Variants in TSC22D1 observed in about 807,000 individuals in gnomAD.
TSC22D1 encodes TSC22 domain family protein 1.
TSC22D1 carries 9 observed loss-of-function variants against 74.2 expected under a neutral mutation model. The observed-to-expected ratio is 0.12, with a 90% CI of 0.07 to 0.21. The LOEUF is 0.21. TSC22D1 is among the 10% of genes least tolerant of loss of function. TSC22D1 has a pLI of 1.00. For missense variants in TSC22D1, 1,427 were observed against 1,304.7 expected, an observed-to-expected ratio of 1.09 and a Z score of -1.44; for synonymous variants, 586 against 492.5, an observed-to-expected ratio of 1.19 and a Z score of -2.51.
chr13:44,555,198 T>C (rs1197183372), intron 1 of TSC22D1, among the ~76,000 whole-genome samples: 1 of 151,798 alleles, frequency 6.6e-6, no homozygotes, highest in Non-Finnish European at 1.5e-5. Context: ...TATTATCTCT[T>C]AAGAAGATTC....
At chr13:44,466,271 G>A (rs1482622992) in intron 1 of TSC22D1, among the ~76,000 whole-genome samples, 1 of 152,064 alleles carries the variant, frequency 6.6e-6, no homozygotes, top group African/African-American at 2.4e-5. Flanking sequence ...GAGGGATTTG[G>A]GTAAACTATT....
intron 1 of TSC22D1, among the ~76,000 whole-genome samples, chr13:44,510,113 G>T (rs1405888131): frequency 6.6e-6 from 1 of 151,956 alleles, no homozygotes; most frequent in Non-Finnish European, 1.5e-5. Flanking sequence ...GCTAGGCACG[G>T]TGGCTCACAC....
At chr13:44,460,441 A>T (rs141091484) in intron 1 of TSC22D1, among the ~76,000 whole-genome samples, 1 of 152,342 alleles carries the variant, frequency 6.6e-6, no homozygotes, top group East Asian at 1.9e-4. Flanking sequence ...TTTTTGGTAA[A>T]AGGGCAACTC....
intron 1 of TSC22D1, among the ~76,000 whole-genome samples, chr13:44,491,540 C>T (rs1206437199): frequency 7.1e-6 from 1 of 140,548 alleles, no homozygotes; most frequent in African/African-American, 2.6e-5. Context: ...GGAGGCAAAG[C>T]GAGACTCCGT....
intron 1 of TSC22D1, among the ~76,000 whole-genome samples, chr13:44,572,499 T>C (rs1449983778): frequency 6.6e-6 from 1 of 152,170 alleles, no homozygotes; most frequent in Non-Finnish European, 1.5e-5. Context: ...AAAGAAAAAA[T>C]GTTCAGCATA....
At chr13:44,436,501 T>C (rs1419405159) in intron 1 of TSC22D1, 3 of 1,612,300 alleles carry the variant, frequency 1.9e-6, no homozygotes, top group Middle Eastern at 1.6e-4. Context: ...AGCCGACATT[T>C]ACCTATTATC....
chr13:44,572,611 G>C (rs1235384347), intron 1 of TSC22D1, among the ~76,000 whole-genome samples: 6 of 152,164 alleles, frequency 3.9e-5, no homozygotes, highest in Non-Finnish European at 1.5e-5. Context: ...CATTAAATAA[G>C]TACGCAAAAG....
chr13:44,519,910 G>GA (rs1477903066), intron 1 of TSC22D1, among the ~76,000 whole-genome samples: 3 of 152,234 alleles, frequency 2.0e-5, no homozygotes, highest in African/African-American at 7.2e-5. Context: ...CAGATATACT[G>GA]AAATACGACA....
chr13:44,570,974 A>G (rs970466586), intron 1 of TSC22D1, among the ~76,000 whole-genome samples: 1 of 152,222 alleles, frequency 6.6e-6, no homozygotes, highest in Non-Finnish European at 1.5e-5. Context: ...AATATAATAT[A>G]TATCTTTTCT....
chr13:44,457,637 C>A (rs1351601724), intron 1 of TSC22D1, among the ~76,000 whole-genome samples: 152 of 85,390 alleles, frequency 1.8e-3, no homozygotes, highest in East Asian at 3.0e-3. Context: ...AAGCAAATAG[C>A]AAAAAAAAAA....
intron 1 of TSC22D1, chr13:44,436,813 A>G: frequency 7.2e-7 from 1 of 1,385,730 alleles, no homozygotes; most frequent in Non-Finnish European, 9.3e-7. Flanking sequence ...AGTGCCGTGA[A>G]GAGGCGCTTC....
At chr13:44,498,560 T>C (rs1328139967) in intron 1 of TSC22D1, among the ~76,000 whole-genome samples, 1 of 152,156 alleles carries the variant, frequency 6.6e-6, no homozygotes, top group Non-Finnish European at 1.5e-5. Flanking sequence ...GCTTATTTTC[T>C]AATCAACTAG....
chr13:44,553,361 T>A (rs1383759287), intron 1 of TSC22D1, among the ~76,000 whole-genome samples: 1 of 152,126 alleles, frequency 6.6e-6, no homozygotes, highest in Non-Finnish European at 1.5e-5. Context: ...TTTTTTCACT[T>A]TTAGAATCAG....
At chr13:44,477,596 C>T (rs900056986) in intron 1 of TSC22D1, among the ~76,000 whole-genome samples, 1 of 151,732 alleles carries the variant, frequency 6.6e-6, no homozygotes, top group Non-Finnish European at 1.5e-5. Context: ...CTTGCATGAA[C>T]CCTTAGATCA....
At position 44,574,921 on chromosome 13, in the gene TSC22D1, G is replaced by C; in HGVS notation, c.1154C>G (p.Ala385Gly). The C allele has an allele frequency of 3.7e-6, 6 of 1,614,084 alleles. No individual in the cohort carries two copies. Among genetic ancestry groups the C allele is most frequent in the Non-Finnish European group, 5.1e-6 (6 of 1,180,010 alleles). The stretch of plus-strand genomic sequence containing the variant: ...AACCGATCCCCCAGTCATCCCTGCA[G>C]CTGCATTAGGAACACTGCTAACAGC... Reference protein sequence around the residue: ...SAAVSSVPNAAAGMTGGSVSS... With the variant: ...SAAVSSVPNAGAGMTGGSVSS... The change falls in exon 1 of 3, where the codon GCT becomes GGT. Residue 385 changes from alanine (A) to glycine (G), a missense_variant. Ala to Gly is a moderately conservative substitution (Grantham distance 60). Around this residue, in one of 3 missense-constraint regions of TSC22D1, gnomAD observed 1,343 missense variants for 1,191.5 expected, o/e 1.13. Coordinates refer to ENST00000458659, the MANE Select transcript of TSC22D1 (RefSeq NM_183422.4).
chr13:44,559,664 G>C (rs1882906174), intron 1 of TSC22D1, among the ~76,000 whole-genome samples: 1 of 151,176 alleles, frequency 6.6e-6, no homozygotes. Context: ...GATTACTGGT[G>C]TAAGCCACTG....
At chr13:44,511,760 T>C (rs374853977) in intron 1 of TSC22D1, among the ~76,000 whole-genome samples, 18 of 152,138 alleles carry the variant, frequency 1.2e-4, no homozygotes, top group East Asian at 9.6e-4. Context: ...CAATGAATGC[T>C]TTTTAAAACA....
In TSC22D1 at chr13:44,573,717, T is replaced by C. The variant is rs370696826; in HGVS notation, c.2358A>G (p.Gln786=). The C allele has an allele frequency of 1.5e-5, 25 of 1,614,070 alleles. No homozygotes were observed. Among genetic ancestry groups the C allele is most frequent in the African/African-American group, 1.1e-4 (8 of 74,924 alleles). ...AACTTTGGGATGCAATAACCAATTG[T>C]TGAGGAAGGCTTGGAGCACTAGTTT... ...GVQTSAPSLP[Q]QLVIASQSSL... Residue 786 remains glutamine, a synonymous_variant, in exon 1 of 3, where the codon CAA becomes CAG. Coordinates refer to ENST00000458659, the MANE Select transcript of TSC22D1 (RefSeq NM_183422.4).
intron 1 of TSC22D1, among the ~76,000 whole-genome samples, chr13:44,438,711 A>T (rs1454937749): frequency 6.6e-6 from 1 of 151,810 alleles, no homozygotes; most frequent in Non-Finnish European, 1.5e-5. Context: ...AAAGATACCC[A>T]TTTCCAACAA....
Sources: gnomAD v4.1 joint callset for allele counts (sites outside exome capture counted in the v4.1 genomes callset) on GRCh38, gnomAD v4.1.1 for gene constraint, gnomAD v4.1.1 regional missense constraint, MANE v1.5 for transcripts, NCBI Gene and HGNC (gene_info 2026-07-23, HGNC 2026-07-21) for gene names.